AUTS2: variants seen among roughly 807,000 people sequenced by gnomAD.
AUTS2 encodes the protein autism susceptibility gene 2 protein.
Under a neutral mutation model 112.4 loss-of-function variants are expected in AUTS2, and 17 were observed. The ratio of observed to expected loss-of-function variants is 0.15; its 90% CI spans 0.10 to 0.23. The LOEUF is 0.23. Ranked by LOEUF, AUTS2 falls within the 10% of genes least tolerant of loss-of-function variation. AUTS2 has a pLI of 1.00. For synonymous variants in AUTS2, 751 were observed against 702.7 expected (o/e 1.07, Z -1.09); for missense variants, 1,510 against 1,701.6 (o/e 0.89, Z 1.98).
At chr7:70,457,150 C>T (rs1418375918) in intron 5 of AUTS2, among the ~76,000 whole-genome samples, 5 of 152,182 alleles carry the variant, frequency 3.3e-5, no homozygotes, top group East Asian at 1.9e-4. Context: ...CACAGCCTTA[C>T]GTTCCCTTTC....
chr7:70,025,772 C>G lies in AUTS2; in HGVS notation c.523-92360C>G, dbSNP rs376254877. Among the ~76,000 whole-genome samples, 21 of 139,286 alleles carry G rather than the reference C, an allele frequency of 1.5e-4. No homozygotes were observed. In the South Asian group the frequency reaches 3.3e-3, roughly 22 times the overall value. 91.4% of individuals were successfully genotyped at this position (139,286 alleles called of 152,430 possible). ...TGCCTGGCCTGCATACTTTTTTTTA[C>G]TAAGCTTTTTTTTTTTTTTTTTTAA... On this transcript the variant is annotated intron_variant, in intron 2 of 18. Coordinates refer to ENST00000342771, the MANE Select transcript of AUTS2 (RefSeq NM_015570.4).
intron 2 of AUTS2, among the ~76,000 whole-genome samples, chr7:70,039,868 G>A (rs1239382874): frequency 6.6e-6 from 1 of 152,194 alleles, no homozygotes; most frequent in Non-Finnish European, 1.5e-5. Flanking sequence ...TGCATGCTAA[G>A]TACTAAATCC....
At chr7:70,176,774 C>T (rs530850277) in intron 4 of AUTS2, among the ~76,000 whole-genome samples, 15 of 152,270 alleles carry the variant, frequency 9.9e-5, no homozygotes, top group Non-Finnish European at 1.6e-4. Flanking sequence ...TTGAATCTCT[C>T]TCTGGTGATG....
rs1792414934 is a variant in AUTS2 at position 69,601,619 on chromosome 7, G to T, written c.309+1657G>T. Among the ~76,000 whole-genome samples the T allele has an allele frequency of 1.3e-5, 2 of 151,934 alleles. 1 individual carries two copies. The highest frequency in any genetic ancestry group is 4.2e-4 in the South Asian group (2 of 4,810). ...GATGTTGGTGGTATTGGTGGTGGTC[G>T]TAGATTTTGATGTTAGTGATTGAAT... On this transcript the variant is annotated intron_variant, in intron 1 of 18. Coordinates refer to ENST00000342771, the MANE Select transcript of AUTS2 (RefSeq NM_015570.4).
intron 5 of AUTS2, among the ~76,000 whole-genome samples, chr7:70,470,916 A>G (rs890467883): frequency 6.6e-6 from 1 of 152,152 alleles, no homozygotes; most frequent in African/African-American, 2.4e-5. Flanking sequence ...CAGCCTGCGA[A>G]CTTCCTGGAT....
chr7:70,545,365 A>G (rs1289900927), intron 5 of AUTS2, among the ~76,000 whole-genome samples: 1 of 152,222 alleles, frequency 6.6e-6, no homozygotes, highest in Non-Finnish European at 1.5e-5. Context: ...CTTCGGAGAG[A>G]AAGTCCCTGC....
At chr7:70,695,565 C>T (rs1421216792) in intron 5 of AUTS2, among the ~76,000 whole-genome samples, 1 of 152,194 alleles carries the variant, frequency 6.6e-6, no homozygotes, top group African/African-American at 2.4e-5. Flanking sequence ...CCCCTTCTCG[C>T]CTGTGCGGGT....
chr7:70,725,267 G>A (rs1411906648), intron 6 of AUTS2, among the ~76,000 whole-genome samples: 1 of 152,118 alleles, frequency 6.6e-6, no homozygotes, highest in Non-Finnish European at 1.5e-5. Context: ...CTGAACATAA[G>A]GGAAGGTCCA....
At chr7:70,013,153 C>T (rs1799880939) in intron 2 of AUTS2, among the ~76,000 whole-genome samples, 1 of 152,186 alleles carries the variant, frequency 6.6e-6, no homozygotes, top group Non-Finnish European at 1.5e-5. Flanking sequence ...AGGCTTGCAG[C>T]TGTACCTACC....
chr7:69,705,230 A>G (rs1798012136), intron 1 of AUTS2, among the ~76,000 whole-genome samples: 1 of 152,298 alleles, frequency 6.6e-6, no homozygotes, highest in South Asian at 2.1e-4. Flanking sequence ...GGAAATGTAT[A>G]GGTGTTAGGT....
At chr7:70,319,796 G>C (rs1311755849) in intron 4 of AUTS2, among the ~76,000 whole-genome samples, 1 of 152,218 alleles carries the variant, frequency 6.6e-6, no homozygotes, top group African/African-American at 2.4e-5. Flanking sequence ...TTACATGGTA[G>C]TGACTTCATC....
chr7:69,616,575 G>A (rs1793388535), intron 1 of AUTS2, among the ~76,000 whole-genome samples: 1 of 152,222 alleles, frequency 6.6e-6, no homozygotes, highest in East Asian at 1.9e-4. Flanking sequence ...TGCAACAGTT[G>A]TGGGACATGG....
At chr7:70,492,886 T>A (rs533861951) in intron 5 of AUTS2, among the ~76,000 whole-genome samples, 1 of 152,298 alleles carries the variant, frequency 6.6e-6, no homozygotes, top group East Asian at 1.9e-4. Flanking sequence ...TCTGAGAAAG[T>A]GTTTTTCTCC....
At chr7:70,392,438 T>C (rs1314030687) in intron 4 of AUTS2, among the ~76,000 whole-genome samples, 1 of 152,158 alleles carries the variant, frequency 6.6e-6, no homozygotes, top group Non-Finnish European at 1.5e-5. Context: ...AAATAGAAGG[T>C]CGTTACCAGG....
intron 5 of AUTS2, among the ~76,000 whole-genome samples, chr7:70,589,097 G>A (rs1802816980): frequency 6.6e-6 from 1 of 152,164 alleles, no homozygotes; most frequent in Non-Finnish European, 1.5e-5. Flanking sequence ...GGCAGCAACC[G>A]TAAAAAGCGG....
chr7:70,427,311 C>T (rs1795477471), intron 4 of AUTS2, among the ~76,000 whole-genome samples: 2 of 152,150 alleles, frequency 1.3e-5, no homozygotes, highest in Admixed American at 1.3e-4. Context: ...GTCAGTTTTA[C>T]CTTTGGACAA....
At chr7:70,012,085 C>A (rs1799832218) in intron 2 of AUTS2, among the ~76,000 whole-genome samples, 1 of 152,170 alleles carries the variant, frequency 6.6e-6, no homozygotes, top group Admixed American at 6.5e-5. Flanking sequence ...TCTTCACTCA[C>A]CCCTTACTTT....
intron 2 of AUTS2, among the ~76,000 whole-genome samples, chr7:70,057,160 C>T (rs1259506705): frequency 1.3e-5 from 2 of 152,082 alleles, no homozygotes; most frequent in African/African-American, 4.8e-5. Flanking sequence ...GAAATCTGCT[C>T]ATCTACCATA....
chr7:70,609,494 G>A (rs13246606), intron 5 of AUTS2, among the ~76,000 whole-genome samples: 17,712 of 149,052 alleles, frequency 0.12, 1,140 homozygotes, highest in Middle Eastern at 0.2. Context: ...TCCCAGGTTC[G>A]TGCTATTCTC....
Sources: gnomAD v4.1 joint callset for allele counts (sites outside exome capture counted in the v4.1 genomes callset) on GRCh38, gnomAD v4.1.1 for gene constraint, MANE v1.5 for transcripts, NCBI Gene and HGNC (gene_info 2026-07-23, HGNC 2026-07-21) for gene names.